Variants in MBD2 observed in about 807,000 individuals in gnomAD.
MBD2 encodes methyl-CpG-binding domain protein 2.
MBD2 carries 9 observed loss-of-function variants against 39.3 expected under a neutral mutation model. The ratio of observed to expected loss-of-function variants is 0.23; its 90% CI spans 0.14 to 0.40. The LOEUF (loss-of-function observed/expected upper bound fraction) is 0.40. MBD2 is among the 10% of genes least tolerant of loss of function. The pLI, the probability that MBD2 is intolerant of heterozygous loss-of-function variation, is 1.00. For synonymous variants in MBD2, 233 were observed against 211.1 expected (o/e 1.10, Z -0.90); for missense variants, 458 against 532.6 (o/e 0.86, Z 1.38).
chr18:54,200,846 G>A (rs571533468), intron 2 of MBD2, among the ~76,000 whole-genome samples: 4 of 152,076 alleles, frequency 2.6e-5, no homozygotes, highest in Admixed American at 1.3e-4. Flanking sequence ...TTGGGAGGCC[G>A]AGGCGGGCGG....
At chr18:54,166,821 G>A (rs1481991580) in intron 3 of MBD2, among the ~76,000 whole-genome samples, 1 of 152,198 alleles carries the variant, frequency 6.6e-6, no homozygotes, top group Non-Finnish European at 1.5e-5. Flanking sequence ...ACACTGAGTG[G>A]CTCCTCGTGC....
chr18:54,161,776 C>T (rs2086100219), intron 5 of MBD2, among the ~76,000 whole-genome samples: 2 of 152,184 alleles, frequency 1.3e-5, no homozygotes, highest in Admixed American at 6.5e-5. Flanking sequence ...CTTACGTGCA[C>T]TCTTTATATA....
intron 2 of MBD2, among the ~76,000 whole-genome samples, chr18:54,201,745 C>T (rs1431659138): frequency 6.6e-6 from 1 of 152,002 alleles, no homozygotes; most frequent in Non-Finnish European, 1.5e-5. Flanking sequence ...TGCCTGTAGT[C>T]CCAGCTACTC....
chr18:54,156,977 G>C (rs2086056565), intron 6 of MBD2, among the ~76,000 whole-genome samples: 1 of 152,156 alleles, frequency 6.6e-6, no homozygotes, highest in African/African-American at 2.4e-5. Flanking sequence ...TGACAGAAGA[G>C]AAGGGCTTTC....
intron 2 of MBD2, chr18:54,202,981 T>C (rs766208079): frequency 1.4e-5 from 14 of 999,058 alleles, no homozygotes; most frequent in Admixed American, 1.2e-4. Context: ...CTTGGATGAG[T>C]AGGAGTTCAC....
At chr18:54,160,760 C>T (rs1020716784) in intron 5 of MBD2, among the ~76,000 whole-genome samples, 15 of 151,048 alleles carry the variant, frequency 9.9e-5, no homozygotes, top group African/African-American at 3.7e-4. Context: ...CATCCAGAAC[C>T]AAGTAGAGAA....
intron 2 of MBD2, chr18:54,203,048 A>G (rs1441786718): frequency 7.2e-7 from 1 of 1,385,070 alleles, no homozygotes; most frequent in Non-Finnish European, 1.0e-6. Context: ...CGTATGAGCA[A>G]GCAGAGTCTT....
At chr18:54,169,751 C>G (rs1161138030) in intron 3 of MBD2, among the ~76,000 whole-genome samples, 1 of 152,200 alleles carries the variant, frequency 6.6e-6, no homozygotes. Flanking sequence ...CTTAATCTTG[C>G]TGCCTGGTGT....
rs1437558516 is a variant in MBD2, at chr18:54,157,038, A to G, written c.*13-1727T>C. On this transcript the variant is annotated intron_variant, in intron 6 of 6. Transcript: ENST00000256429. The stretch of plus-strand genomic sequence containing the variant: ...GCAGAATCTGGATCAGGTGAGATCC[A>G]GATCCCTCTGTGCTCCAGAGACGGT... Among the ~76,000 whole-genome samples, 4 of 152,158 alleles carry G rather than the reference A, an allele frequency of 2.6e-5. No individual in the cohort carries two copies. The East Asian group carries it at 7.7e-4, about 29-fold the overall frequency.
Position 54,152,412 on chromosome 18 carries a change from G to A in MBD2, c.*2912C>T, listed in dbSNP as rs2143901425. ...AGACAAGCAGGGATCAGATCAAGAA[G>A]AGCCTTTTGACCATTCTTCCATTTA... is the stretch of plus-strand genomic sequence containing the variant. On this transcript the variant is annotated 3_prime_UTR_variant, in exon 7 of 7. Transcript: ENST00000256429. 1 of 152,398 alleles carries A rather than the reference G, an allele frequency of 6.6e-6. No individual in the cohort carries two copies. The highest frequency in any genetic ancestry group is 2.4e-5 in the African/African-American group (1 of 41,590). The allele number at this position is 152,398 out of a possible 1,614,324, so 9.4% of individuals were successfully genotyped here. A position where few individuals can be genotyped will look rare whatever the true frequency, so the allele number is the denominator to read the frequency against.
rs182893636 is a variant in MBD2 at position 54,193,828 on chromosome 18, G to A, written c.703-4817C>T. Among the ~76,000 whole-genome samples, 943 of 152,244 alleles carry A rather than the reference G, an allele frequency of 6.2e-3. 17 individuals are homozygous for A. Among genetic ancestry groups the A allele is most frequent in the Non-Finnish European group, 8.5e-3 (578 of 67,972 alleles). ...CCAAGTAATGAGGAAAACAAAAAATGTCCAGGTATTAAATCTAGAAGAAAA... is the reference window on the plus strand; with the variant it reads ...CCAAGTAATGAGGAAAACAAAAAATATCCAGGTATTAAATCTAGAAGAAAA... On this transcript the variant is annotated intron_variant, in intron 2 of 6. Transcript: ENST00000256429.
chr18:54,171,105 T>C (rs2086176451), intron 3 of MBD2, among the ~76,000 whole-genome samples: 1 of 151,994 alleles, frequency 6.6e-6, no homozygotes, highest in Non-Finnish European at 1.5e-5. Context: ...TGGTTTGTGT[T>C]GAAAGAGTGG....
intron 3 of MBD2, among the ~76,000 whole-genome samples, chr18:54,184,953 T>G (rs2086275270): frequency 6.6e-6 from 1 of 152,324 alleles, no homozygotes; most frequent in Middle Eastern, 3.4e-3. Flanking sequence ...CTGCTTTAGC[T>G]TATCTATTTG....
chr18:54,202,930 G>T, intron 2 of MBD2: 2 of 1,013,718 alleles, frequency 2.0e-6, no homozygotes, highest in Non-Finnish European at 3.2e-6. Context: ...CCTGGAGTAT[G>T]CAGGGCAGGC....
intron 1 of MBD2, 58 bp downstream of exon 1, chr18:54,223,960 T>C: frequency 7.0e-7 from 1 of 1,428,128 alleles, no homozygotes; most frequent in South Asian, 1.2e-5. Flanking sequence ...CCAGGCCCGC[T>C]CTTGACCCCT....
intron 1 of MBD2, among the ~76,000 whole-genome samples, chr18:54,213,058 G>C (rs1394699033): frequency 7.3e-6 from 1 of 137,496 alleles, no homozygotes; most frequent in Non-Finnish European, 1.6e-5. Flanking sequence ...CTTGGCAGTG[G>C]GGATGGGTGG....
At chr18:54,180,903 C>CTTTTTTTTTTTTTTTTTTTTTTTTTT (rs1189903798) in intron 3 of MBD2, among the ~76,000 whole-genome samples, 1 of 49,878 alleles carries the variant, frequency 2.0e-5, no homozygotes, top group African/African-American at 1.2e-4. Flanking sequence ...TTTTCTTTTT[C>CTTTTTTTTTTTTTTTTTTTTTTTTTT]TTTTTTTTTT....
In MBD2 at chr18:54,195,333, A is replaced by C. The variant is rs539202906; in HGVS notation, c.703-6322T>G. On this transcript the variant is annotated intron_variant, in intron 2 of 6. Coordinates refer to ENST00000256429, the MANE Select transcript of MBD2 (RefSeq NM_003927.5). ...TCATTTTATCTTTAAAATTCACACAAATTTTGCACGTTACCTTAAACATTA... is the reference window on the plus strand; with the variant it reads ...TCATTTTATCTTTAAAATTCACACACATTTTGCACGTTACCTTAAACATTA... Among the ~76,000 whole-genome samples the C allele has an allele frequency of 7.9e-5, 12 of 152,150 alleles. No individual in the cohort carries two copies. The South Asian group carries it at 2.5e-3, about 32-fold the overall frequency.
At chr18:54,212,571 T>C (rs1029040140) in intron 1 of MBD2, among the ~76,000 whole-genome samples, 18 of 152,296 alleles carry the variant, frequency 1.2e-4, no homozygotes, top group African/African-American at 4.3e-4. Context: ...TGACTATGTG[T>C]TGACAAATTG....
Sources: gnomAD v4.1 joint callset for allele counts (sites outside exome capture counted in the v4.1 genomes callset) on GRCh38, gnomAD v4.1.1 for gene constraint, MANE v1.5 for transcripts, NCBI Gene and HGNC (gene_info 2026-07-23, HGNC 2026-07-21) for gene names.